RGS7: variants seen among roughly 807,000 people sequenced by gnomAD.
The protein encoded by RGS7 is regulator of G protein signaling 7.
Under a neutral mutation model 81.1 loss-of-function variants are expected in RGS7, and 27 were observed. The observed-to-expected ratio is 0.33, with a 90% CI of 0.25 to 0.46. The LOEUF is 0.46. Among genes scored for constraint, RGS7 ranks in the 20% least tolerant of loss-of-function variants. The pLI, the probability that RGS7 is intolerant of heterozygous loss-of-function variation, is 1.00. For missense variants in RGS7, 396 were observed against 607.4 expected, an observed-to-expected ratio of 0.65 and a Z score of 3.66; for synonymous variants, 208 against 207.7, an observed-to-expected ratio of 1.00 and a Z score of -0.01.
rs2073995789 is a variant in RGS7, at chr1:241,207,550, A to G, written c.79-108788T>C. 2.0e-5 allele frequency among the ~76,000 whole-genome samples: 3 copies of G among 152,200 alleles called. No homozygotes were observed. The South Asian group carries it at 6.2e-4, about 32-fold the overall frequency. On this transcript the variant is annotated intron_variant, in intron 2 of 18. Coordinates refer to ENST00000440928, the MANE Select transcript of RGS7 (RefSeq NM_001364886.1). ...TAGCTCAGGGAGACAGAGAACTAAC[A>G]AACAAATGAACAAACAAAAGAAAAT...
intron 6 of RGS7, among the ~76,000 whole-genome samples, chr1:240,910,301 C>T (rs917260582): frequency 1.5e-4 from 23 of 152,050 alleles, no homozygotes; most frequent in African/African-American, 4.3e-4. Context: ...CCCTTGAAAC[C>T]GGAAGACATT....
At chr1:241,059,620 G>T in intron 3 of RGS7, among the ~76,000 whole-genome samples, 1 of 152,196 alleles carries the variant, frequency 6.6e-6, no homozygotes, top group Non-Finnish European at 1.5e-5. Flanking sequence ...CTATAGGAAG[G>T]GGGTGTAAAG....
intron 2 of RGS7, among the ~76,000 whole-genome samples, chr1:241,291,570 C>CTT (rs397947911): frequency 2.1e-5 from 2 of 94,162 alleles, no homozygotes; most frequent in Non-Finnish European, 3.8e-5. Flanking sequence ...GAATTCCCAG[C>CTT]TTTTTTTTTT....
intron 3 of RGS7, among the ~76,000 whole-genome samples, chr1:240,985,647 TGTGATCGCCCCAGCATA>T (rs1685538890): frequency 6.6e-6 from 1 of 152,170 alleles, no homozygotes; most frequent in South Asian, 2.1e-4. Context: ...TTTTTTATTG[TGTGATCGCCCCAGCATA>T]TTTATGGTTT....
At chr1:241,220,978 G>A (rs200886076) in intron 2 of RGS7, among the ~76,000 whole-genome samples, 7,420 of 74,424 alleles carry the variant, frequency 0.1, 518 homozygotes, top group Non-Finnish European at 0.13. Flanking sequence ...AGGAAGGAAG[G>A]AAGGAAGGAA....
chr1:240,787,926 TTCAGG>T (rs1685340046), intron 18 of RGS7, among the ~76,000 whole-genome samples: 1 of 152,186 alleles, frequency 6.6e-6, no homozygotes, highest in South Asian at 2.1e-4. Flanking sequence ...TGATGCAATT[TTCAGG>T]TTAGATTTTA....
At chr1:241,042,812 T>C (rs890155838) in intron 3 of RGS7, among the ~76,000 whole-genome samples, 2 of 151,994 alleles carry the variant, frequency 1.3e-5, no homozygotes, top group Non-Finnish European at 2.9e-5. Context: ...TGGTAGCACA[T>C]GCCTGTAATC....
At chr1:240,784,473 T>C (rs1434818818) in intron 18 of RGS7, among the ~76,000 whole-genome samples, 1 of 149,974 alleles carries the variant, frequency 6.7e-6, no homozygotes. Flanking sequence ...ACCTCGTCTC[T>C]ACAAAAAAAA....
At chr1:240,930,113 T>C (rs1675151398) in intron 6 of RGS7, among the ~76,000 whole-genome samples, 1 of 152,170 alleles carries the variant, frequency 6.6e-6, no homozygotes, top group Admixed American at 6.5e-5. Context: ...GAATACTTAC[T>C]AGGGGCTCTT....
intron 6 of RGS7, chr1:240,919,573 C>T (rs771326688): frequency 8.8e-6 from 2 of 226,616 alleles, no homozygotes; most frequent in Non-Finnish European, 1.7e-5. Flanking sequence ...GGAATGCTCC[C>T]AACTTGATAA....
chr1:240,808,288 C>T (rs1205023425), intron 14 of RGS7, among the ~76,000 whole-genome samples: 1 of 152,154 alleles, frequency 6.6e-6, no homozygotes, highest in East Asian at 1.9e-4. Flanking sequence ...AAGAGCCCCT[C>T]TGCTGGGGCA....
At chr1:241,037,336 A>G (rs1454094882) in intron 3 of RGS7, among the ~76,000 whole-genome samples, 1 of 152,168 alleles carries the variant, frequency 6.6e-6, no homozygotes, top group African/African-American at 2.4e-5. Context: ...AGAAGTAGGT[A>G]GGGAAAGTTA....
At chr1:240,851,806 G>A (rs1660154524) in intron 9 of RGS7, among the ~76,000 whole-genome samples, 1 of 152,174 alleles carries the variant, frequency 6.6e-6, no homozygotes, top group Non-Finnish European at 1.5e-5. Context: ...GGTGGAAATA[G>A]CGAGAGAACT....
intron 2 of RGS7, among the ~76,000 whole-genome samples, chr1:241,350,064 C>T (rs2083139947): frequency 6.6e-6 from 1 of 152,184 alleles, no homozygotes; most frequent in Non-Finnish European, 1.5e-5. Flanking sequence ...ATTCAGGCCA[C>T]AAATCCTTCT....
chr1:241,037,460 C>T (rs1255777599), intron 3 of RGS7, among the ~76,000 whole-genome samples: 2 of 152,152 alleles, frequency 1.3e-5, no homozygotes, highest in Admixed American at 1.3e-4. Context: ...GTGGCTCATG[C>T]CTGTAATCCC....
At chr1:240,813,550 T>C (rs1313222755) in intron 13 of RGS7, 68 bp downstream of exon 13, 1 of 929,468 alleles carries the variant, frequency 1.1e-6, no homozygotes, top group African/African-American at 1.6e-5. Context: ...AACAATAAAA[T>C]CCTTCCCATT....
intron 2 of RGS7, among the ~76,000 whole-genome samples, chr1:241,314,765 T>C (rs2080764875): frequency 6.6e-6 from 1 of 152,172 alleles, no homozygotes; most frequent in Non-Finnish European, 1.5e-5. Flanking sequence ...TCGGAATTTG[T>C]AGGCCAAAGG....
At chr1:241,235,767 T>C (rs926268401) in intron 2 of RGS7, among the ~76,000 whole-genome samples, 1 of 151,102 alleles carries the variant, frequency 6.6e-6, no homozygotes, top group Non-Finnish European at 1.5e-5. Flanking sequence ...CTTCACTCCT[T>C]TCCACCATTA....
intron 2 of RGS7, among the ~76,000 whole-genome samples, chr1:241,166,112 C>G (rs890115370): frequency 6.6e-6 from 1 of 151,998 alleles, no homozygotes; most frequent in Non-Finnish European, 1.5e-5. Flanking sequence ...GGGTAGAATT[C>G]AAATAAAAAA....
Sources: allele counts gnomAD v4.1 joint callset (sites outside exome capture counted in the v4.1 genomes callset), GRCh38; gene constraint gnomAD v4.1.1; transcripts MANE v1.5; gene names NCBI Gene and HGNC (gene_info 2026-07-23, HGNC 2026-07-21).